Variants in THSD7B observed in about 807,000 individuals in gnomAD.
THSD7B encodes thrombospondin type 1 domain containing 7B.
A neutral mutation model predicts 213.6 loss-of-function variants in THSD7B; 138 were observed. That is an observed-to-expected ratio of 0.65 (90% confidence interval 0.56 to 0.74). THSD7B has a LOEUF of 0.74. THSD7B is among the 30% of genes least tolerant of loss of function. THSD7B has a pLI of 0.00. For synonymous variants in THSD7B, 742 were observed against 687.0 expected, an observed-to-expected ratio of 1.08 and a Z score of -1.25; for missense variants, 1,931 against 1,991.5, an observed-to-expected ratio of 0.97 and a Z score of 0.58.
At chr2:137,368,307 A>G (rs1010682824) in intron 12 of THSD7B, among the ~76,000 whole-genome samples, 5 of 152,088 alleles carry the variant, frequency 3.3e-5, no homozygotes, top group Non-Finnish European at 5.9e-5. Context: ...TTTCCTATCA[A>G]AATGGTAATC....
intron 1 of THSD7B, among the ~76,000 whole-genome samples, chr2:136,852,928 A>C (rs776319795): frequency 3.9e-5 from 6 of 152,124 alleles, no homozygotes; most frequent in African/African-American, 1.4e-4. Flanking sequence ...AACTGCTTCA[A>C]ATCTACAGAA....
intron 10 of THSD7B, among the ~76,000 whole-genome samples, chr2:137,249,699 G>T (rs1254550097): frequency 6.6e-6 from 1 of 152,168 alleles, no homozygotes; most frequent in Non-Finnish European, 1.5e-5. Flanking sequence ...CTGCTCCGAG[G>T]TTACCCAGTA....
chr2:137,590,717 A>G (rs1217590669), intron 17 of THSD7B, among the ~76,000 whole-genome samples: 1 of 149,946 alleles, frequency 6.7e-6, no homozygotes, highest in Non-Finnish European at 1.5e-5. Context: ...TTTATACGTT[A>G]ATTTTGTAAA....
At chr2:136,810,617 C>T (rs1354550589) in intron 1 of THSD7B, among the ~76,000 whole-genome samples, 2 of 152,160 alleles carry the variant, frequency 1.3e-5, no homozygotes, top group African/African-American at 2.4e-5. Context: ...GTTTCTTTAC[C>T]GAAGGTTGAT....
intron 26 of THSD7B, among the ~76,000 whole-genome samples, chr2:137,665,986 GA>G (rs1227258874): frequency 6.6e-6 from 1 of 152,152 alleles, no homozygotes. Flanking sequence ...AGAAAAACTA[GA>G]AAGATTCACG....
chr2:137,206,567 T>A (rs1356345894), intron 7 of THSD7B, among the ~76,000 whole-genome samples: 1 of 151,942 alleles, frequency 6.6e-6, no homozygotes. Context: ...TTAAAAGAGA[T>A]CCCCAGGTGA....
intron 15 of THSD7B, among the ~76,000 whole-genome samples, chr2:137,505,617 C>T (rs984900637): frequency 6.6e-6 from 1 of 152,182 alleles, no homozygotes; most frequent in Non-Finnish European, 1.5e-5. Context: ...TAAAGTTGTA[C>T]AGAGTGGCAA....
At chr2:137,583,412 C>A (rs1324944792) in intron 17 of THSD7B, among the ~76,000 whole-genome samples, 1 of 152,120 alleles carries the variant, frequency 6.6e-6, no homozygotes, top group Non-Finnish European at 1.5e-5. Flanking sequence ...AAGTCCTTGC[C>A]CATGCCTATG....
chr2:136,925,624 T>G (rs1684510491), intron 2 of THSD7B, among the ~76,000 whole-genome samples: 2 of 152,230 alleles, frequency 1.3e-5, no homozygotes, highest in South Asian at 2.1e-4. Context: ...GATATTGGTC[T>G]ATAGTTTTCT....
At chr2:137,196,042 A>G (rs955441876) in intron 7 of THSD7B, among the ~76,000 whole-genome samples, 2 of 152,212 alleles carry the variant, frequency 1.3e-5, no homozygotes, top group African/African-American at 4.8e-5. Context: ...TAGAGATGAC[A>G]TCGTTGGCAC....
rs536569020 is a variant in THSD7B, at chr2:137,572,945, T to C, written c.3423+389T>C. Among the ~76,000 whole-genome samples the C allele has an allele frequency of 2.6e-5, 4 of 152,240 alleles. No homozygotes were observed. In the South Asian group the frequency reaches 8.3e-4, roughly 32 times the overall value. ...ATCAATTACATCTTAGGAGCTCAAC[T>C]CCACTGTGTGATTTAGCTTCTGTTA... On this transcript the variant is annotated intron_variant, in intron 17 of 27. Coordinates refer to ENST00000409968, the MANE Select transcript of THSD7B (RefSeq NM_001316349.2).
At chr2:137,049,118 T>C (rs1687017395) in intron 2 of THSD7B, among the ~76,000 whole-genome samples, 1 of 152,180 alleles carries the variant, frequency 6.6e-6, no homozygotes, top group Non-Finnish European at 1.5e-5. Flanking sequence ...GATGAAAACA[T>C]TTCATAAATA....
rs548918874 is a variant in THSD7B, at chr2:136,785,184, A to G, written c.-36+19497A>G. On this transcript the variant is annotated intron_variant, in intron 1 of 27. Coordinates refer to ENST00000409968, the MANE Select transcript of THSD7B (RefSeq NM_001316349.2). ...TTCCACTCACTGGCCTCTGCAACATATCCTAGTGCCCACGTGCTCTGTTGT... is the reference window on the plus strand; with the variant it reads ...TTCCACTCACTGGCCTCTGCAACATGTCCTAGTGCCCACGTGCTCTGTTGT... Among the ~76,000 whole-genome samples the G allele has an allele frequency of 3.3e-5, 5 of 152,126 alleles. No individual in the cohort carries two copies. In the East Asian group the frequency reaches 9.7e-4, roughly 29 times the overall value.
chr2:136,916,619 T>A (rs1684352810), intron 2 of THSD7B, among the ~76,000 whole-genome samples: 1 of 152,350 alleles, frequency 6.6e-6, no homozygotes, highest in Middle Eastern at 3.4e-3. Flanking sequence ...TCCAAGTGCA[T>A]GATATAGAAA....
In THSD7B at chr2:137,056,760, A is replaced by G. The variant is rs1023907687; in HGVS notation, c.480A>G (p.Glu160=). 4.3e-6 allele frequency: 7 copies of G among 1,613,830 alleles called. No homozygotes were observed. Among genetic ancestry groups the G allele is most frequent in the Admixed American group, 1.7e-5 (1 of 59,998 alleles). ...NRTVVANEIC[E]HFALQPPTEQ... ...CTGTGGTTGCAAATGAAATATGCGA[A>G]CACTTTGCCCTTCAGCCTCCTACAG... The change falls in exon 3 of 28, where the codon GAA becomes GAG. Residue 160 remains glutamate (E), a synonymous_variant. Coordinates refer to ENST00000409968, the MANE Select transcript of THSD7B (RefSeq NM_001316349.2).
chr2:137,634,452 A>G (rs947415772), intron 20 of THSD7B, among the ~76,000 whole-genome samples: 2 of 152,186 alleles, frequency 1.3e-5, no homozygotes, highest in African/African-American at 4.8e-5. Flanking sequence ...TATTTTATTC[A>G]ATGAACTATT....
intron 14 of THSD7B, among the ~76,000 whole-genome samples, chr2:137,426,764 G>A (rs937974453): frequency 1.3e-5 from 2 of 151,936 alleles, no homozygotes; most frequent in Non-Finnish European, 2.9e-5. Flanking sequence ...TGGATATGAC[G>A]CCAAAAATAC....
chr2:137,174,448 G>A (rs938575923), intron 7 of THSD7B, among the ~76,000 whole-genome samples: 11 of 152,138 alleles, frequency 7.2e-5, no homozygotes, highest in African/African-American at 2.2e-4. Flanking sequence ...GGGAGTATAT[G>A]GAAATAGCAA....
At position 137,614,271 on chromosome 2, in the gene THSD7B, T is replaced by G. The variant is rs189737086; in HGVS notation, c.3424-1904T>G. 5.4e-3 allele frequency among the ~76,000 whole-genome samples: 818 copies of G among 152,260 alleles called. 9 individuals carry two copies. Among genetic ancestry groups the G allele is most frequent in the African/African-American group, 0.019 (788 of 41,550 alleles). On this transcript the variant is annotated intron_variant, in intron 17 of 27. Coordinates refer to ENST00000409968, the MANE Select transcript of THSD7B (RefSeq NM_001316349.2). The stretch of plus-strand genomic sequence containing the variant: ...AAGAAAATTCTTAAATCTTATCAAA[T>G]TTCATCCCATCCCCATTCTTCTTTC...
Sources: gnomAD v4.1 joint callset for allele counts (sites outside exome capture counted in the v4.1 genomes callset) on GRCh38, gnomAD v4.1.1 for gene constraint, MANE v1.5 for transcripts, NCBI Gene and HGNC (gene_info 2026-07-23, HGNC 2026-07-21) for gene names.